The following RALGDS variants were observed in gnomAD, a reference collection of about 807,000 sequenced individuals.
The protein encoded by RALGDS is ral guanine nucleotide exchange factor.
RALGDS carries 44 observed loss-of-function variants against 99.8 expected under a neutral mutation model. The ratio of observed to expected loss-of-function variants is 0.44; its 90% confidence interval spans 0.35 to 0.57. The LOEUF is 0.57. Ranked by LOEUF, RALGDS falls within the 20% of genes least tolerant of loss-of-function variation. The pLI is 0.01. For missense variants in RALGDS, 1,022 were observed against 1,203.1 expected, an observed-to-expected ratio of 0.85 and a Z score of 2.23; for synonymous variants, 529 against 505.0, an observed-to-expected ratio of 1.05 and a Z score of -0.64.
upstream of RALGDS, among the ~76,000 whole-genome samples, chr9:133,132,103 G>A (rs1468948151): frequency 1.3e-5 from 2 of 152,236 alleles, no homozygotes; most frequent in Non-Finnish European, 2.9e-5. Context: ...GCAGTCCGGG[G>A]TCTGCCCAGT....
chr9:133,099,691 T>C (rs1388721031), intron 17 of RALGDS: 1 of 170,944 alleles, frequency 5.8e-6, no homozygotes, highest in Non-Finnish European at 1.3e-5. Context: ...TTTACATATA[T>C]GATGAACACA....
At chr9:133,122,910 G>T (rs1417774564), upstream of RALGDS, among the ~76,000 whole-genome samples, 3 of 152,150 alleles carry the variant, frequency 2.0e-5, no homozygotes, top group East Asian at 5.8e-4. Context: ...CACCATGTTG[G>T]CCAGGCTGAT....
intron 3 of RALGDS, 99 bp from the exon 4 acceptor site, chr9:133,109,820 T>A: frequency 1.1e-6 from 1 of 905,842 alleles, no homozygotes; most frequent in Non-Finnish European, 1.8e-6. Context: ...TCAAATTATA[T>A]TAAATGCCTA....
At position 133,144,730 on chromosome 9, in the gene RALGDS, T is replaced by G. The variant is rs1180936452; in HGVS notation, c.18+4233A>C. On this transcript the variant is annotated intron_variant, in intron 1 of 17. Transcript: ENST00000393160. The surrounding 1 kb of genome is among the most constrained non-coding windows in gnomAD (Gnocchi z 4.5). ...CTCCCCGCTGCTCCCCTAGTCCCCG[T>G]AGGCACGCGGGTACCCGGCCTTTGG... Among the ~76,000 whole-genome samples the G allele has an allele frequency of 6.6e-6, 1 of 152,240 alleles. No individual in the cohort carries two copies. Among genetic ancestry groups the G allele is most frequent in the Non-Finnish European group, 1.5e-5 (1 of 68,032 alleles).
intron 1 of RALGDS, among the ~76,000 whole-genome samples, chr9:133,136,969 T>A (rs1346039356): frequency 6.6e-6 from 1 of 150,500 alleles, no homozygotes; most frequent in East Asian, 2.0e-4. Flanking sequence ...GCGTGGTGGC[T>A]TACGCCTGTA....
chr9:133,144,250 A>G lies in RALGDS; in HGVS notation c.18+4713T>C, dbSNP rs1435389966. Among the ~76,000 whole-genome samples the G allele has an allele frequency of 6.6e-6, 1 of 152,064 alleles. No individual in the cohort carries two copies. The highest frequency in any genetic ancestry group is 1.5e-5 in the Non-Finnish European group (1 of 68,002). ...GGCCGGCTCAGCTTGCAGGCGAGGA[A>G]CCAAACGAAAGGCAAACTCCTGGCC... On this transcript the variant is annotated intron_variant, in intron 1 of 17. Coordinates refer to the RALGDS transcript ENST00000393160. The surrounding 1 kb of genome is among the most constrained non-coding windows in gnomAD (Gnocchi z 4.5).
Position 133,100,317 on chromosome 9 carries a change from C to G in RALGDS, c.2520G>C (p.Glu840Asp). Residue 840 changes from glutamate (E) to aspartate (D), a missense_variant, in exon 17 of 18, where the codon GAG (glutamate) becomes GAC (aspartate). Physicochemically the swap from Glu to Asp is conservative, Grantham distance 45. Coordinates refer to ENST00000372050, the MANE Select transcript of RALGDS (RefSeq NM_006266.4). ...GCAGCTCATAGTCCTCCGGCTCCTC[C>G]TCCTCCAGGTTGTGTTTGTCCATGG... ...RKAMDKHNLEEEEPEDYELLQ... is the reference protein window; with the variant it reads ...RKAMDKHNLEDEEPEDYELLQ... 6.2e-7 allele frequency: 1 copy of G among 1,614,250 alleles called. No homozygotes were observed. Among genetic ancestry groups the G allele is most frequent in the Non-Finnish European group, 8.5e-7 (1 of 1,180,040 alleles).
At chr9:133,131,987 C>T (rs1004060620), upstream of RALGDS, among the ~76,000 whole-genome samples, 2 of 152,188 alleles carry the variant, frequency 1.3e-5, no homozygotes, top group African/African-American at 4.8e-5. Flanking sequence ...TACATGCCTG[C>T]CCCGGTGCCA....
At chr9:133,101,177 A>C in intron 16 of RALGDS, 2 of 1,202,788 alleles carry the variant, frequency 1.7e-6, no homozygotes, top group Non-Finnish European at 2.1e-6. Context: ...CAGACAGAGA[A>C]GCCAGCCATC....
At chr9:133,101,802 T>TGG (rs1830769389) in intron 15 of RALGDS, 40 bp from the exon 16 acceptor site, 2 of 1,569,372 alleles carry the variant, frequency 1.3e-6, no homozygotes, top group Admixed American at 3.8e-5. Context: ...CACTGCCCTG[T>TGG]GGGGGCACCC....
upstream of RALGDS, chr9:133,121,341 C>CGCGT (rs1831936938): frequency 1.3e-5 from 7 of 525,690 alleles, no homozygotes; most frequent in East Asian, 1.5e-4. Flanking sequence ...GTCCGAGGGA[C>CGCGT]GCGTGCGTGC....
At chr9:133,126,679 C>T (rs1001235882) in intron 1 of RALGDS, among the ~76,000 whole-genome samples, 7 of 152,156 alleles carry the variant, frequency 4.6e-5, no homozygotes, top group Admixed American at 2.0e-4. Context: ...TGTGACAACC[C>T]GAAGTGGAGG....
chr9:133,116,139 C>T (rs1490345871), intron 1 of RALGDS, among the ~76,000 whole-genome samples: 1 of 30,210 alleles, frequency 3.3e-5, no homozygotes, highest in South Asian at 7.9e-4. Context: ...GCCTCGTGTC[C>T]GTGTCCGTGA....
At chr9:133,111,359 C>A (rs1008703298) in intron 2 of RALGDS, among the ~76,000 whole-genome samples, 2 of 152,136 alleles carry the variant, frequency 1.3e-5, no homozygotes, top group African/African-American at 4.8e-5. Flanking sequence ...CGGCTCACTG[C>A]AACCTCAGCC....
chr9:133,112,360 G>A (rs1203519616), intron 1 of RALGDS, among the ~76,000 whole-genome samples: 1 of 152,090 alleles, frequency 6.6e-6, no homozygotes, highest in Non-Finnish European at 1.5e-5. Context: ...CACGACCTGG[G>A]ACGTGATTAT....
intron 1 of RALGDS, among the ~76,000 whole-genome samples, chr9:133,128,499 T>G (rs111402930): frequency 1.3e-5 from 2 of 152,042 alleles, no homozygotes; most frequent in Non-Finnish European, 2.9e-5. Context: ...GCATCCATGA[T>G]CTCCCCTCCT....
In RALGDS at chr9:133,112,168, C is replaced by G; in HGVS notation, c.184-16G>C. On this transcript the variant is annotated splice_polypyrimidine_tract_variant and intron_variant, in intron 1 of 17. Transcript: ENST00000372050. ...GCGTGGAGCTCTGTGAAGACAACGC[C>G]CGGCAGCCGGGCGCGGGGACGTCAA... is the stretch of plus-strand genomic sequence containing the variant. The G allele has an allele frequency of 3.2e-6, 5 of 1,542,326 alleles. No individual in the cohort carries two copies. Among genetic ancestry groups the G allele is most frequent in the Non-Finnish European group, 4.4e-6 (5 of 1,138,978 alleles).
At chr9:133,143,791 AT>A (rs1321028309) in intron 1 of RALGDS, among the ~76,000 whole-genome samples, 7 of 82,394 alleles carry the variant, frequency 8.5e-5, no homozygotes, top group Admixed American at 8.2e-4. Flanking sequence ...AACAACAATA[AT>A]AATAATAATA....
rs1830758868 is a variant in RALGDS at position 133,101,599 on chromosome 9, T to C, written c.2375A>G (p.Tyr792Cys). Residue 792 changes from tyrosine to cysteine, a missense_variant, in exon 16 of 18, where the codon TAC becomes TGC. This residue lies in a region of RALGDS where 825 missense variants were observed against 994.5 expected (regional missense o/e 0.83). Transcript: ENST00000372050. ...ACAGCAGTCGCCCACCTGCTGGTTGTAGAGCGGCAGCGCGGAGCTGGAGTT... is the reference window on the plus strand; with the variant it reads ...ACAGCAGTCGCCCACCTGCTGGTTGCAGAGCGGCAGCGCGGAGCTGGAGTT... ...LCNSSSALPL[Y>C]NQQVGDCCII... The C allele has an allele frequency of 1.2e-6, 2 of 1,612,706 alleles. No individual in the cohort carries two copies. The highest frequency in any genetic ancestry group is 1.3e-5 in the African/African-American group (1 of 74,954).
Sources: gnomAD v4.1 joint callset for allele counts (sites outside exome capture counted in the v4.1 genomes callset) on GRCh38, gnomAD v4.1.1 for gene constraint, gnomAD v4.1.1 regional missense constraint, Gnocchi (gnomAD v3.1) non-coding constraint, MANE v1.5 for transcripts, NCBI Gene and HGNC (gene_info 2026-07-23, HGNC 2026-07-21) for gene names.